The following SLC12A8 variants were observed in gnomAD, a reference collection of about 807,000 sequenced individuals.
SLC12A8 encodes the protein solute carrier family 12 member 8.
Under a neutral mutation model 75.6 loss-of-function variants are expected in SLC12A8, and 69 were observed. That is an observed-to-expected ratio of 0.91 (90% CI 0.75 to 1.11). The LOEUF (loss-of-function observed/expected upper bound fraction) is 1.11, where lower values mean the gene tolerates loss of function less well. SLC12A8 is among the 50% of genes most tolerant of loss of function. SLC12A8 has a pLI of 0.00. For missense variants in SLC12A8, 877 were observed against 896.7 expected (o/e 0.98, Z 0.28); for synonymous variants, 365 against 372.8 (o/e 0.98, Z 0.24).
intron 5 of SLC12A8, among the ~76,000 whole-genome samples, chr3:125,146,137 C>G (rs915997058): frequency 6.6e-6 from 1 of 152,196 alleles, no homozygotes; most frequent in African/African-American, 2.4e-5. Context: ...GCCCAAAATA[C>G]CTTATTGTAC....
chr3:125,187,324 G>A lies in SLC12A8; in HGVS notation c.303C>T (p.Ile101=), dbSNP rs369332972. ...TCATGGAGTAGACGCCACCGCTGCC[G>A]ATGCTGCTGCGCTCCCCGACGCCAA... ...SGIGVGERSS[I]GSGGVYSMIS... is the part of the protein sequence containing the mutation. Residue 101 remains isoleucine (I), a synonymous_variant, in exon 4 of 14, where the codon ATC becomes ATT. Transcript: ENST00000469902. 176 of 1,614,062 alleles carry A rather than the reference G, an allele frequency of 1.1e-4. No homozygotes were observed. The highest frequency in any genetic ancestry group is 2.2e-4 in the East Asian group (10 of 44,886).
intron 10 of SLC12A8, among the ~76,000 whole-genome samples, chr3:125,106,075 G>C (rs575295844): frequency 6.6e-6 from 1 of 152,296 alleles, no homozygotes; most frequent in East Asian, 1.9e-4. Flanking sequence ...ACATTATTTA[G>C]TGACAGATTA....
intron 10 of SLC12A8, among the ~76,000 whole-genome samples, chr3:125,103,248 C>G (rs773745056): frequency 6.6e-6 from 1 of 151,984 alleles, no homozygotes; most frequent in African/African-American, 2.4e-5. Context: ...AATGCCCGTA[C>G]CTATCTGTGT....
chr3:125,135,848 T>A lies in SLC12A8; in HGVS notation c.623-66A>T, dbSNP rs117257278. 6.1e-5 allele frequency: 55 copies of A among 898,132 alleles called. No individual in the cohort carries two copies. The East Asian group carries it at 1.2e-3, about 20-fold the overall frequency. The allele number at this position is 898,132 out of a possible 1,614,324, so 55.6% of individuals were successfully genotyped here. ...AGACACAGGACACATTTCCCTAGAT[T>A]ATGGTACTATTTCATATATCGCTTT... On this transcript the variant is annotated intron_variant, in intron 5 of 13. Coordinates refer to ENST00000469902, the MANE Select transcript of SLC12A8 (RefSeq NM_024628.6).
intron 6 of SLC12A8, 96 bp downstream of exon 6, chr3:125,135,573 A>C: frequency 1.5e-6 from 1 of 666,386 alleles, no homozygotes; most frequent in Non-Finnish European, 2.5e-6. Context: ...GGATATACAT[A>C]CCAAGAGTAC....
chr3:125,204,190 T>G (rs900733554), intron 2 of SLC12A8, among the ~76,000 whole-genome samples: 7 of 152,138 alleles, frequency 4.6e-5, no homozygotes, highest in African/African-American at 7.2e-5. Flanking sequence ...TCATTAAAAA[T>G]TAAAAATAGA....
At chr3:125,147,065 A>G (rs952831261) in intron 5 of SLC12A8, among the ~76,000 whole-genome samples, 1 of 152,216 alleles carries the variant, frequency 6.6e-6, no homozygotes, top group African/African-American at 2.4e-5. Flanking sequence ...GAGAATTTGC[A>G]GCAAAGCCGT....
chr3:125,211,492 C>T (rs774000981), intron 1 of SLC12A8, 98 bp from the exon 2 acceptor site: 303 of 751,390 alleles, frequency 4.0e-4, no homozygotes, highest in Admixed American at 1.6e-3. Flanking sequence ...AACTACCAGG[C>T]GAGGCCCTGG....
rs1378434066 is a variant in SLC12A8 at position 125,083,204 on chromosome 3, C to T, written c.*686G>A. 6.6e-6 allele frequency: 1 copy of T among 152,004 alleles called. No individual in the cohort carries two copies. Among genetic ancestry groups the T allele is most frequent in the Non-Finnish European group, 1.5e-5 (1 of 67,986 alleles). 9.4% of individuals were successfully genotyped at this position (152,004 alleles called of 1,614,324 possible). A position where few individuals can be genotyped will look rare whatever the true frequency, so the allele number is the denominator to read the frequency against. On this transcript the variant is annotated 3_prime_UTR_variant, in exon 14 of 14. Transcript: ENST00000469902. The stretch of plus-strand genomic sequence containing the variant: ...ATTATTTATTTTTGAATAAATAATA[C>T]AATAAAATATAAAACATACACTTAT...
intron 2 of SLC12A8, among the ~76,000 whole-genome samples, chr3:125,195,914 G>A (rs1353977212): frequency 6.6e-6 from 1 of 152,112 alleles, no homozygotes; most frequent in African/African-American, 2.4e-5. Flanking sequence ...TTTCCTGCTG[G>A]ACACAGGCTG....
At chr3:125,148,439 G>C (rs1198543061) in intron 5 of SLC12A8, among the ~76,000 whole-genome samples, 2 of 152,198 alleles carry the variant, frequency 1.3e-5, no homozygotes, top group Non-Finnish European at 2.9e-5. Flanking sequence ...GTTGGATTGC[G>C]AGCAGGCCTG....
chr3:125,146,018 C>T (rs1933764468), intron 5 of SLC12A8, among the ~76,000 whole-genome samples: 1 of 152,184 alleles, frequency 6.6e-6, no homozygotes, highest in African/African-American at 2.4e-5. Context: ...TTTGTAGAGA[C>T]AGGGTCTCAC....
chr3:125,183,890 C>T (rs779748058), intron 4 of SLC12A8, among the ~76,000 whole-genome samples: 8 of 152,008 alleles, frequency 5.3e-5, no homozygotes, highest in Non-Finnish European at 1.2e-4. Flanking sequence ...CCACCAAGGC[C>T]TGAGAGGGAT....
At chr3:125,175,799 A>G (rs564095797) in intron 5 of SLC12A8, among the ~76,000 whole-genome samples, 1 of 152,104 alleles carries the variant, frequency 6.6e-6, no homozygotes, top group East Asian at 1.9e-4. Context: ...GAGATGCGTC[A>G]AATATTTAGC....
chr3:125,140,562 G>A (rs867818003), intron 5 of SLC12A8, among the ~76,000 whole-genome samples: 14 of 152,110 alleles, frequency 9.2e-5, no homozygotes, highest in Admixed American at 2.6e-4. Flanking sequence ...TGTGCCTACC[G>A]GTATGCAACT....
chr3:125,173,429 G>A (rs1295400830), intron 5 of SLC12A8, among the ~76,000 whole-genome samples: 2 of 126,506 alleles, frequency 1.6e-5, no homozygotes, highest in East Asian at 4.8e-4. Flanking sequence ...AACTGGTGCT[G>A]GAACAACTTG....
intron 6 of SLC12A8, among the ~76,000 whole-genome samples, chr3:125,127,260 CA>C (rs1218876985): frequency 6.6e-6 from 1 of 152,170 alleles, no homozygotes; most frequent in African/African-American, 2.4e-5. Flanking sequence ...GTTCTTGGAG[CA>C]AAACTTGTGA....
chr3:125,173,816 C>T lies in SLC12A8; in HGVS notation c.622+3927G>A, dbSNP rs897067638. 3.2e-4 allele frequency among the ~76,000 whole-genome samples: 49 copies of T among 152,328 alleles called. 1 individual carries two copies. The highest frequency in any genetic ancestry group is 1.7e-3 in the Admixed American group (26 of 15,306). Reference sequence around the variant, plus strand: ...CTCTTAAAACTCAACAGTGGCCGGGCGCAGTGGCTCACGCCTATAATCCCA... The same window carrying T: ...CTCTTAAAACTCAACAGTGGCCGGGTGCAGTGGCTCACGCCTATAATCCCA... On this transcript the variant is annotated intron_variant, in intron 5 of 13. Coordinates refer to ENST00000469902, the MANE Select transcript of SLC12A8 (RefSeq NM_024628.6).
Position 125,177,849 on chromosome 3 carries a change from G to A in SLC12A8, c.516C>T (p.Asn172=). Residue 172 remains asparagine, a synonymous_variant, in exon 5 of 14, where the codon AAC becomes AAT. Coordinates refer to ENST00000469902, the MANE Select transcript of SLC12A8 (RefSeq NM_024628.6). ...GGATTATCCATTTGACACCTGCGAG[G>A]TTAATGCCCAGCAAGGCCAGAAGCA... ...VAVLLALLGI[N]LAGVKWIIRL... is the part of the protein sequence containing the mutation. 6.2e-7 allele frequency: 1 copy of A among 1,614,202 alleles called. No homozygotes were observed. The highest frequency in any genetic ancestry group is 8.5e-7 in the Non-Finnish European group (1 of 1,180,040).
Sources: allele counts gnomAD v4.1 joint callset (sites outside exome capture counted in the v4.1 genomes callset), GRCh38; gene constraint gnomAD v4.1.1; transcripts MANE v1.5; gene names NCBI Gene and HGNC (gene_info 2026-07-23, HGNC 2026-07-21).